MICU1: variants seen among roughly 807,000 people sequenced by gnomAD.
MICU1 encodes calcium uptake protein 1, mitochondrial.
MICU1 carries 45 observed loss-of-function variants against 56.8 expected under a neutral mutation model. The observed-to-expected ratio is 0.79, with a 90% CI of 0.62 to 1.02. MICU1 has a LOEUF of 1.02. MICU1 is among the 50% of genes least tolerant of loss of function. MICU1 has a pLI of 0.00. For synonymous variants in MICU1, 186 were observed against 195.1 expected, an observed-to-expected ratio of 0.95 and a Z score of 0.39; for missense variants, 504 against 587.1, an observed-to-expected ratio of 0.86 and a Z score of 1.46.
At chr10:72,449,824 G>A (rs1865239475) in intron 8 of MICU1, among the ~76,000 whole-genome samples, 1 of 152,104 alleles carries the variant, frequency 6.6e-6, no homozygotes, top group African/African-American at 2.4e-5. Context: ...TCCCACATAT[G>A]TTTGGGAAGT....
At chr10:72,462,830 C>T (rs1300118037) in intron 8 of MICU1, among the ~76,000 whole-genome samples, 2 of 152,164 alleles carry the variant, frequency 1.3e-5, no homozygotes, top group Non-Finnish European at 2.9e-5. Context: ...ATTTGAAAGA[C>T]TGATTGAGGA....
chr10:72,553,652 T>C (rs180970275), intron 3 of MICU1, among the ~76,000 whole-genome samples: 360 of 152,322 alleles, frequency 2.4e-3, no homozygotes, highest in Non-Finnish European at 3.8e-3. Flanking sequence ...ATGAGGACTT[T>C]GTGACTTTGT....
At chr10:72,373,233 G>A (rs981121549) in intron 11 of MICU1, among the ~76,000 whole-genome samples, 2 of 149,534 alleles carry the variant, frequency 1.3e-5, no homozygotes, top group Admixed American at 6.7e-5. Flanking sequence ...AAGCTGGAGT[G>A]CAGCGCTAGG....
Position 72,543,436 on chromosome 10 carries a change from A to C in MICU1, c.493+7743T>G, listed in dbSNP as rs536961370. Among the ~76,000 whole-genome samples the C allele has an allele frequency of 2.0e-5, 3 of 152,238 alleles. No individual in the cohort carries two copies. In the South Asian group the frequency reaches 6.2e-4, roughly 32 times the overall value. On this transcript the variant is annotated intron_variant, in intron 4 of 11. Transcript: ENST00000361114. ...ACACCTATAATCCTGGCACTTTGGG[A>C]GGCCCAGAAAGAGGATCACGTGAGC... is the stretch of plus-strand genomic sequence containing the variant.
chr10:72,491,489 G>T (rs1866653787), intron 6 of MICU1, among the ~76,000 whole-genome samples: 3 of 152,120 alleles, frequency 2.0e-5, no homozygotes, highest in African/African-American at 7.2e-5. Flanking sequence ...AAGCAACTCT[G>T]TGACAGACAA....
chr10:72,577,490 C>T (rs1840779295), intron 1 of MICU1, among the ~76,000 whole-genome samples: 1 of 143,234 alleles, frequency 7.0e-6, no homozygotes, highest in South Asian at 2.2e-4. Flanking sequence ...GCCTGGGTGA[C>T]AAGAGCTAAA....
chr10:72,545,012 T>C (rs889682492), intron 4 of MICU1, among the ~76,000 whole-genome samples: 1 of 152,178 alleles, frequency 6.6e-6, no homozygotes, highest in Admixed American at 6.5e-5. Flanking sequence ...ACAGTATGTG[T>C]GAAAAATACA....
intron 1 of MICU1, among the ~76,000 whole-genome samples, chr10:72,619,226 C>G (rs1267157109): frequency 6.6e-6 from 1 of 152,042 alleles, no homozygotes; most frequent in African/African-American, 2.4e-5. Context: ...AGGTGGATCA[C>G]AAGGTCAGGA....
chr10:72,479,367 G>A (rs1413140049), intron 6 of MICU1, among the ~76,000 whole-genome samples: 2 of 152,192 alleles, frequency 1.3e-5, no homozygotes, highest in African/African-American at 4.8e-5. Flanking sequence ...ACATGACACA[G>A]TGGTTATGTC....
chr10:72,460,355 C>T (rs1475717976), intron 8 of MICU1, among the ~76,000 whole-genome samples: 2 of 152,136 alleles, frequency 1.3e-5, no homozygotes, highest in African/African-American at 4.8e-5. Flanking sequence ...CTCTCTCTCT[C>T]CCACTCTCTC....
In MICU1 at chr10:72,521,270, G is replaced by C. The variant is rs1867812495; in HGVS notation, c.537+12476C>G. On this transcript the variant is annotated intron_variant, in intron 5 of 11. Transcript: ENST00000361114. ...CACAACCTTGATCTAAACTGCTTTA[G>C]TAACTATCACCTCCCAAGAAACCGT... Among the ~76,000 whole-genome samples the C allele has an allele frequency of 3.9e-5, 6 of 152,170 alleles. No individual in the cohort carries two copies. The South Asian group carries it at 1.2e-3, about 31-fold the overall frequency.
intron 1 of MICU1, among the ~76,000 whole-genome samples, chr10:72,606,814 C>CT (rs1841703594): frequency 6.6e-6 from 1 of 152,088 alleles, no homozygotes; most frequent in African/African-American, 2.4e-5. Context: ...GATTTCAGCC[C>CT]TGGCCTCCAG....
chr10:72,619,987 G>C (rs1296814114), intron 1 of MICU1, among the ~76,000 whole-genome samples: 1 of 152,048 alleles, frequency 6.6e-6, no homozygotes, highest in African/African-American at 2.4e-5. Flanking sequence ...CTATATTACA[G>C]TGCTGATTCA....
At chr10:72,613,081 C>T (rs982640353) in intron 1 of MICU1, among the ~76,000 whole-genome samples, 1 of 151,922 alleles carries the variant, frequency 6.6e-6, no homozygotes, top group African/African-American at 2.4e-5. Context: ...TTAAAACTTT[C>T]AAACATGCAG....
intron 1 of MICU1, among the ~76,000 whole-genome samples, chr10:72,623,482 C>A (rs1176484527): frequency 1.3e-5 from 2 of 151,944 alleles, no homozygotes; most frequent in Non-Finnish European, 2.9e-5. Flanking sequence ...TGGCTTGTAC[C>A]TGCAATCCCA....
rs181038239 is a variant in MICU1 at position 72,411,535 on chromosome 10, G to A, written c.1072-3498C>T. ...TTTAGTAGAGATGGGGTTTCACCGTGTTAGCCAGGATGGTCTCGATCTCCT... is the reference window on the plus strand; with the variant it reads ...TTTAGTAGAGATGGGGTTTCACCGTATTAGCCAGGATGGTCTCGATCTCCT... On this transcript the variant is annotated intron_variant, in intron 9 of 11. Transcript: ENST00000361114. 4.8e-3 allele frequency among the ~76,000 whole-genome samples: 733 copies of A among 152,030 alleles called. 4 individuals carry two copies. Among genetic ancestry groups the A allele is most frequent in the African/African-American group, 0.017 (705 of 41,446 alleles).
intron 8 of MICU1, among the ~76,000 whole-genome samples, chr10:72,468,671 G>T (rs1429665795): frequency 6.6e-6 from 1 of 151,734 alleles, no homozygotes. Context: ...GTAAAATCCA[G>T]CAGCTAATAA....
chr10:72,621,608 T>C (rs1015272456), intron 1 of MICU1, among the ~76,000 whole-genome samples: 1 of 152,192 alleles, frequency 6.6e-6, no homozygotes, highest in African/African-American at 2.4e-5. Flanking sequence ...TATTTAAATA[T>C]TTAAAACATT....
chr10:72,596,535 A>G (rs1841386359), intron 1 of MICU1, among the ~76,000 whole-genome samples: 1 of 152,136 alleles, frequency 6.6e-6, no homozygotes, highest in Non-Finnish European at 1.5e-5. Context: ...AACAAATTTG[A>G]TGTTATATGT....
Sources: gnomAD v4.1 joint callset for allele counts (sites outside exome capture counted in the v4.1 genomes callset) on GRCh38, gnomAD v4.1.1 for gene constraint, MANE v1.5 for transcripts, NCBI Gene and HGNC (gene_info 2026-07-23, HGNC 2026-07-21) for gene names.